Variants in IGF2BP2 observed in about 807,000 individuals in gnomAD.
The protein encoded by IGF2BP2 is insulin-like growth factor 2 mRNA-binding protein 2.
A neutral mutation model predicts 75.8 loss-of-function variants in IGF2BP2; 17 were observed. That is an observed-to-expected ratio of 0.22 (90% CI 0.15 to 0.34). IGF2BP2 has a LOEUF of 0.34. IGF2BP2 is among the 10% of genes least tolerant of loss of function. The probability of loss-of-function intolerance (pLI) is 1.00; values close to 1 mark genes in which losing one functional copy is unlikely to be tolerated. For missense variants in IGF2BP2, 516 were observed against 772.4 expected (o/e 0.67, Z 3.93); for synonymous variants, 288 against 295.6 (o/e 0.97, Z 0.26).
At chr3:185,804,255 CAA>C (rs71164543) in intron 2 of IGF2BP2, among the ~76,000 whole-genome samples, 5,314 of 89,458 alleles carry the variant, frequency 0.059, 131 homozygotes, top group South Asian at 0.12. Context: ...GACTACGTCT[CAA>C]AAAAAAAAAA....
intron 13 of IGF2BP2, 27 bp from the exon 14 acceptor site, chr3:185,649,561 C>T (rs775727112): frequency 1.9e-6 from 3 of 1,613,138 alleles, no homozygotes; most frequent in South Asian, 1.1e-5. Flanking sequence ...TGACTAATGA[C>T]TCTCAGTCAG....
chr3:185,691,416 A>G (rs951881558), intron 5 of IGF2BP2, among the ~76,000 whole-genome samples: 5 of 151,960 alleles, frequency 3.3e-5, no homozygotes, highest in Non-Finnish European at 7.4e-5. Context: ...TATCTTTTTC[A>G]ATGCAAAATT....
chr3:185,822,485 C>A (rs1741489205), intron 2 of IGF2BP2, among the ~76,000 whole-genome samples: 1 of 152,180 alleles, frequency 6.6e-6, no homozygotes, highest in Non-Finnish European at 1.5e-5. Context: ...GTTACTCCGT[C>A]ATTAACAACA....
At chr3:185,703,355 T>C (rs1723569613) in intron 2 of IGF2BP2, among the ~76,000 whole-genome samples, 1 of 152,178 alleles carries the variant, frequency 6.6e-6, no homozygotes, top group Admixed American at 6.5e-5. Flanking sequence ...TCAGATAAGC[T>C]AGATGTCCAT....
At chr3:185,721,670 T>G (rs908113394) in intron 2 of IGF2BP2, among the ~76,000 whole-genome samples, 1 of 152,182 alleles carries the variant, frequency 6.6e-6, no homozygotes, top group Non-Finnish European at 1.5e-5. Context: ...AAACACTGTT[T>G]ATCAGTCTAA....
In IGF2BP2 at chr3:185,824,764, G is replaced by A; in HGVS notation, c.178+19C>T. On this transcript the variant is annotated intron_variant, in intron 1 of 15. Transcript: ENST00000382199. ...TGAGCGGGGCGAGGCGGGGGGAGGG[G>A]GCCGCGCTGAGTGCTCACCCGAGAG... is the stretch of plus-strand genomic sequence containing the variant. The A allele has an allele frequency of 7.6e-7, 1 of 1,319,062 alleles. No homozygotes were observed. Among genetic ancestry groups the A allele is most frequent in the Non-Finnish European group, 9.9e-7 (1 of 1,014,340 alleles). The allele number at this position is 1,319,062 out of a possible 1,614,324, so 81.7% of individuals were successfully genotyped here. A position where few individuals can be genotyped will look rare whatever the true frequency, so the allele number is the denominator to read the frequency against.
intron 2 of IGF2BP2, among the ~76,000 whole-genome samples, chr3:185,733,047 C>T (rs1471204821): frequency 6.6e-6 from 1 of 152,198 alleles, no homozygotes; most frequent in Non-Finnish European, 1.5e-5. Context: ...CCTGCTTCCC[C>T]ACCCTATTCA....
intron 2 of IGF2BP2, among the ~76,000 whole-genome samples, chr3:185,718,394 A>G (rs1725976987): frequency 1.3e-5 from 2 of 152,190 alleles, no homozygotes; most frequent in South Asian, 4.1e-4. Context: ...ACTCTATCAG[A>G]AAGCAAGTCA....
chr3:185,672,351 T>C (rs778511638), intron 10 of IGF2BP2, among the ~76,000 whole-genome samples, 190 bp downstream of exon 10: 3 of 152,218 alleles, frequency 2.0e-5, no homozygotes, highest in Non-Finnish European at 2.9e-5. Context: ...GTTTAGAGGA[T>C]TGGTTTAATA....
At chr3:185,740,111 C>T (rs1729355832) in intron 2 of IGF2BP2, among the ~76,000 whole-genome samples, 1 of 152,050 alleles carries the variant, frequency 6.6e-6, no homozygotes, top group African/African-American at 2.4e-5. Flanking sequence ...GCATCCCAAA[C>T]TGCTGGGATT....
intron 7 of IGF2BP2, among the ~76,000 whole-genome samples, chr3:185,677,056 T>C (rs1263058295): frequency 1.8e-5 from 1 of 55,358 alleles, no homozygotes; most frequent in Non-Finnish European, 3.4e-5. Flanking sequence ...TATATATATA[T>C]ATATATATAT....
At chr3:185,705,120 G>A (rs924024093) in intron 2 of IGF2BP2, among the ~76,000 whole-genome samples, 4 of 152,194 alleles carry the variant, frequency 2.6e-5, no homozygotes, top group Non-Finnish European at 4.4e-5. Flanking sequence ...CCCGCAAGAC[G>A]CAGTCTTGCT....
chr3:185,700,031 C>T (rs925632508), intron 2 of IGF2BP2, among the ~76,000 whole-genome samples: 1 of 152,036 alleles, frequency 6.6e-6, no homozygotes, highest in African/African-American at 2.4e-5. Flanking sequence ...GAGCTTGACA[C>T]TGAAATCCTA....
chr3:185,682,744 T>C (rs1720567538), intron 7 of IGF2BP2, among the ~76,000 whole-genome samples: 1 of 152,212 alleles, frequency 6.6e-6, no homozygotes, highest in Non-Finnish European at 1.5e-5. Context: ...CAATGAGCTG[T>C]CACCTCATAC....
chr3:185,668,487 CGAGAGA>C (rs1274930634), intron 10 of IGF2BP2, among the ~76,000 whole-genome samples: 15 of 124,824 alleles, frequency 1.2e-4, no homozygotes, highest in African/African-American at 2.7e-4. Flanking sequence ...TTCATTTGTT[CGAGAGA>C]GAGAGAGAGA....
At chr3:185,800,718 A>AGAAAGAAAG (rs1738103209) in intron 2 of IGF2BP2, among the ~76,000 whole-genome samples, 1 of 143,288 alleles carries the variant, frequency 7.0e-6, no homozygotes, top group African/African-American at 2.7e-5. Context: ...GAGCCAAAAA[A>AGAAAGAAAG]AAAGAAAGAA....
intron 2 of IGF2BP2, among the ~76,000 whole-genome samples, chr3:185,719,481 G>A (rs1187074798): frequency 6.6e-6 from 1 of 152,138 alleles, no homozygotes; most frequent in East Asian, 1.9e-4. Flanking sequence ...TAGGAGTTAA[G>A]CAGAAAAAAG....
At chr3:185,789,061 G>A (rs866019790) in intron 2 of IGF2BP2, among the ~76,000 whole-genome samples, 1 of 152,006 alleles carries the variant, frequency 6.6e-6, no homozygotes, top group Non-Finnish European at 1.5e-5. Flanking sequence ...CTAGGCTGGA[G>A]TGAAGTGTCT....
At chr3:185,742,397 G>C (rs1729681797) in intron 2 of IGF2BP2, among the ~76,000 whole-genome samples, 1 of 152,286 alleles carries the variant, frequency 6.6e-6, no homozygotes, top group African/African-American at 2.4e-5. Context: ...TTGGGAGGCT[G>C]AGGTAGGAGA....
Sources: gnomAD v4.1 joint callset for allele counts (sites outside exome capture counted in the v4.1 genomes callset) on GRCh38, gnomAD v4.1.1 for gene constraint, MANE v1.5 for transcripts, NCBI Gene and HGNC (gene_info 2026-07-23, HGNC 2026-07-21) for gene names.